The following BCAT1 variants were observed in gnomAD, a reference collection of about 807,000 sequenced individuals.
BCAT1 encodes the protein branched-chain-amino-acid aminotransferase, cytosolic.
BCAT1 carries 48 observed loss-of-function variants against 52.4 expected under a neutral mutation model. That is an observed-to-expected ratio of 0.92 (90% CI 0.73 to 1.16). The LOEUF (loss-of-function observed/expected upper bound fraction) is 1.16. Among genes scored for constraint, BCAT1 ranks in the 50% most tolerant of loss-of-function variants. The pLI is 0.00. For missense variants in BCAT1, 451 were observed against 457.1 expected (o/e 0.99, Z 0.12); for synonymous variants, 167 against 161.3 (o/e 1.04, Z -0.27).
At chr12:24,847,740 C>A (rs73079556) in intron 6 of BCAT1, among the ~76,000 whole-genome samples, 1 of 152,174 alleles carries the variant, frequency 6.6e-6, no homozygotes, top group Non-Finnish European at 1.5e-5. Context: ...AGCTTGGCTG[C>A]ATGCTAAAGA....
At chr12:24,922,164 T>C (rs993275619) in intron 1 of BCAT1, among the ~76,000 whole-genome samples, 1 of 152,030 alleles carries the variant, frequency 6.6e-6, no homozygotes, top group African/African-American at 2.4e-5. Context: ...AGATTGTTCC[T>C]TTTTTTTGAG....
In BCAT1 at chr12:24,894,359, C is replaced by A. The variant is rs765834939; in HGVS notation, c.195G>T (p.Glu65Asp). ...TGATATGAGGTTTCTCCCATCCAAA[C>A]TCTGAGGACCACTCCACCGTCAGCA... The part of the protein sequence containing the change: ...DHMLTVEWSS[E>D]FGWEKPHIKP... The change falls in exon 3 of 11, where the codon GAG becomes GAT. Residue 65 changes from glutamate to aspartate, a missense_variant. Physicochemically the swap from Glu to Asp is conservative, Grantham distance 45. Coordinates refer to ENST00000261192, the MANE Select transcript of BCAT1 (RefSeq NM_005504.7). 1.9e-6 allele frequency: 3 copies of A among 1,613,936 alleles called. No homozygotes were observed. Among genetic ancestry groups the A allele is most frequent in the Admixed American group, 1.7e-5 (1 of 60,006 alleles).
At chr12:24,908,823 A>T (rs1236381526) in intron 1 of BCAT1, among the ~76,000 whole-genome samples, 2 of 152,234 alleles carry the variant, frequency 1.3e-5, no homozygotes, top group Non-Finnish European at 2.9e-5. Flanking sequence ...CGGTTTGGGC[A>T]TTGAAGTCCC....
intron 1 of BCAT1, among the ~76,000 whole-genome samples, chr12:24,935,446 G>A (rs1029764117): frequency 1.3e-5 from 2 of 151,984 alleles, no homozygotes; most frequent in African/African-American, 4.8e-5. Flanking sequence ...CCCATACCCC[G>A]TCAGACCCCT....
At chr12:24,911,225 T>C (rs12821845) in intron 1 of BCAT1, among the ~76,000 whole-genome samples, 1 of 152,254 alleles carries the variant, frequency 6.6e-6, no homozygotes, top group South Asian at 2.1e-4. Context: ...TTTATGTTTG[T>C]TTAGAGTTTT....
chr12:24,871,613 TG>T (rs1451370797), intron 5 of BCAT1, among the ~76,000 whole-genome samples: 2 of 152,084 alleles, frequency 1.3e-5, no homozygotes, highest in Non-Finnish European at 2.9e-5. Flanking sequence ...GAGTGGTGAA[TG>T]AAGATAGAAG....
chr12:24,868,067 A>C (rs948208615), intron 5 of BCAT1, among the ~76,000 whole-genome samples: 5 of 152,234 alleles, frequency 3.3e-5, no homozygotes, highest in African/African-American at 1.2e-4. Context: ...TACATGCAAA[A>C]ATAAAAATGC....
At chr12:24,901,403 G>A (rs1943098684) in intron 2 of BCAT1, among the ~76,000 whole-genome samples, 1 of 152,088 alleles carries the variant, frequency 6.6e-6, no homozygotes, top group Non-Finnish European at 1.5e-5. Flanking sequence ...TATAAACCCC[G>A]CAATTCAGAT....
At chr12:24,947,884 G>A (rs887295634) in intron 1 of BCAT1, among the ~76,000 whole-genome samples, 45 of 152,340 alleles carry the variant, frequency 3.0e-4, no homozygotes, top group African/African-American at 1.0e-3. Flanking sequence ...TAGAAGAAAA[G>A]TTGTGTGATC....
chr12:24,915,328 A>T (rs1457583798), intron 1 of BCAT1, among the ~76,000 whole-genome samples: 1 of 152,202 alleles, frequency 6.6e-6, no homozygotes, highest in Non-Finnish European at 1.5e-5. Flanking sequence ...CTTCACATAA[A>T]CAAAAGCAAA....
intron 3 of BCAT1, among the ~76,000 whole-genome samples, chr12:24,884,669 A>T (rs1942606753): frequency 6.6e-6 from 1 of 152,230 alleles, no homozygotes; most frequent in African/African-American, 2.4e-5. Context: ...CATGGCTTCA[A>T]ATACATGTAA....
At chr12:24,933,845 A>T (rs952248230) in intron 1 of BCAT1, among the ~76,000 whole-genome samples, 1 of 152,084 alleles carries the variant, frequency 6.6e-6, no homozygotes, top group Non-Finnish European at 1.5e-5. Context: ...GTCAGGCTTG[A>T]GGAGGTGGTG....
chr12:24,858,177 T>G (rs1248753575), intron 5 of BCAT1, among the ~76,000 whole-genome samples: 1 of 152,222 alleles, frequency 6.6e-6, no homozygotes. Flanking sequence ...TTAAGATTCT[T>G]AAAAGCTGGC....
intron 1 of BCAT1, among the ~76,000 whole-genome samples, chr12:24,908,411 T>C (rs1943260060): frequency 6.6e-6 from 1 of 152,216 alleles, no homozygotes; most frequent in African/African-American, 2.4e-5. Flanking sequence ...AACCGAATTT[T>C]TAATCTTGTT....
intron 2 of BCAT1, among the ~76,000 whole-genome samples, chr12:24,896,546 A>G (rs1049474983): frequency 6.6e-6 from 1 of 152,172 alleles, no homozygotes; most frequent in Non-Finnish European, 1.5e-5. Context: ...AGGCGGGTGG[A>G]TCACCAAAGG....
chr12:24,906,924 T>TAAAGACAAGC (rs1943235193), intron 1 of BCAT1, among the ~76,000 whole-genome samples: 1 of 152,142 alleles, frequency 6.6e-6, no homozygotes, highest in Non-Finnish European at 1.5e-5. Flanking sequence ...TTTAAGCCAT[T>TAAAGACAAGC]CTTAGCATGA....
At chr12:24,936,557 C>G (rs2139752954) in intron 1 of BCAT1, among the ~76,000 whole-genome samples, 1 of 152,314 alleles carries the variant, frequency 6.6e-6, no homozygotes, top group East Asian at 1.9e-4. Flanking sequence ...TCTTATGGTT[C>G]TGGAAGTTCC....
intron 3 of BCAT1, among the ~76,000 whole-genome samples, chr12:24,893,636 G>T (rs1942894308): frequency 1.3e-5 from 2 of 152,096 alleles, no homozygotes; most frequent in African/African-American, 4.8e-5. Flanking sequence ...TTAATAGGAA[G>T]ACTATTATTA....
At chr12:24,825,646 T>A (rs991949538) in intron 10 of BCAT1, among the ~76,000 whole-genome samples, 1 of 151,746 alleles carries the variant, frequency 6.6e-6, no homozygotes, top group Non-Finnish European at 1.5e-5. Flanking sequence ...TTTAATCAAA[T>A]TTTTTTTTCT....
Sources: gnomAD v4.1 joint callset for allele counts (sites outside exome capture counted in the v4.1 genomes callset) on GRCh38, gnomAD v4.1.1 for gene constraint, MANE v1.5 for transcripts, NCBI Gene and HGNC (gene_info 2026-07-23, HGNC 2026-07-21) for gene names.